Variants in LYRM4 observed in about 807,000 individuals in gnomAD.
The protein encoded by LYRM4 is LYR motif containing 4.
In LYRM4, 9 loss-of-function variants were observed where a neutral mutation model predicts 11.7. That is an observed-to-expected ratio of 0.77 (90% confidence interval 0.46 to 1.34). The LOEUF is 1.34. Among genes scored for constraint, LYRM4 ranks in the 40% most tolerant of loss-of-function variants. The probability of loss-of-function intolerance (pLI) is 0.00; values close to 1 mark genes in which losing one functional copy is unlikely to be tolerated. For missense variants in LYRM4, 133 were observed against 112.5 expected, an observed-to-expected ratio of 1.18 and a Z score of -0.82; for synonymous variants, 42 against 40.4, an observed-to-expected ratio of 1.04 and a Z score of -0.15.
downstream of LYRM4, chr6:5,102,857 C>T (rs1421350050): frequency 6.6e-6 from 1 of 152,250 alleles, no homozygotes; most frequent in African/African-American, 2.4e-5. Flanking sequence ...ACGACACTGA[C>T]TTCGCTTTTA....
At chr6:5,098,603 C>T in the LYRM4 span, among the ~76,000 whole-genome samples, 324 of 152,242 alleles carry the variant, frequency 2.1e-3, 1 homozygote, top group African/African-American at 7.3e-3. Flanking sequence ...AGAATATTGA[C>T]GGTGGCATTA....
At chr6:5,192,016 G>A (rs1760783164) in intron 2 of LYRM4, among the ~76,000 whole-genome samples, 1 of 152,132 alleles carries the variant, frequency 6.6e-6, no homozygotes, top group Non-Finnish European at 1.5e-5. Flanking sequence ...AAAAAATGCA[G>A]GAGAGCTAAT....
At chr6:5,085,441 G>A in the LYRM4 span, 1 of 1,419,454 alleles carries the variant, frequency 7.0e-7, no homozygotes, top group Non-Finnish European at 9.5e-7. Context: ...TAAGTCTCCA[G>A]AGGGGCCCGG....
chr6:5,085,868 G>A, the LYRM4 span: 2 of 1,530,968 alleles, frequency 1.3e-6, no homozygotes, highest in South Asian at 2.4e-5. Context: ...TGCGCCAAGT[G>A]CAAGAAGCGG....
the LYRM4 span, chr6:5,034,381 C>A: frequency 1.3e-5 from 2 of 152,172 alleles, no homozygotes; most frequent in African/African-American, 4.8e-5. Context: ...TTGTCCCATC[C>A]AAGTCTCATG....
At chr6:5,107,783 T>G (rs1258601147), downstream of LYRM4, 1 of 152,092 alleles carries the variant, frequency 6.6e-6, no homozygotes, top group East Asian at 1.9e-4. Context: ...ATACCAGCAC[T>G]TTGGGGGGCC....
intron 1 of LYRM4, among the ~76,000 whole-genome samples, chr6:5,251,278 T>C (rs920233827): frequency 1.3e-5 from 2 of 152,250 alleles, no homozygotes; most frequent in African/African-American, 4.8e-5. Context: ...TCACTGTAGC[T>C]GCCCTGTTTT....
intron 2 of LYRM4, among the ~76,000 whole-genome samples, chr6:5,177,097 T>G (rs1193003123): frequency 1.3e-5 from 2 of 152,278 alleles, no homozygotes; most frequent in Non-Finnish European, 1.5e-5. Context: ...TATGGAAAAG[T>G]GCGAATACAG....
chr6:5,085,358 T>C, the LYRM4 span: 1 of 672,266 alleles, frequency 1.5e-6, no homozygotes. Context: ...TTGTCGAGCC[T>C]GGGGCGACTC....
intron 2 of LYRM4, among the ~76,000 whole-genome samples, chr6:5,119,932 G>A (rs1026412874): frequency 2.6e-5 from 4 of 151,656 alleles, no homozygotes; most frequent in Admixed American, 6.6e-5. Context: ...AAAGAGTCTC[G>A]CTCTGTCATC....
chr6:5,245,754 C>T (rs1020536181), intron 1 of LYRM4, among the ~76,000 whole-genome samples: 2 of 152,178 alleles, frequency 1.3e-5, no homozygotes, highest in African/African-American at 4.8e-5. Flanking sequence ...ACTGTGGAAA[C>T]GTGTATGGGG....
intron 2 of LYRM4, among the ~76,000 whole-genome samples, chr6:5,177,795 C>T (rs1186082485): frequency 6.6e-6 from 1 of 152,148 alleles, no homozygotes; most frequent in African/African-American, 2.4e-5. Flanking sequence ...CATACTCTTA[C>T]AAACAGGTCA....
At chr6:5,061,309 G>A in the LYRM4 span, among the ~76,000 whole-genome samples, 9 of 151,984 alleles carry the variant, frequency 5.9e-5, no homozygotes, top group Non-Finnish European at 1.2e-4. Context: ...GTCACACCAC[G>A]TGCAGAGGCC....
At chr6:5,189,698 G>A (rs915808128) in intron 2 of LYRM4, among the ~76,000 whole-genome samples, 3 of 152,146 alleles carry the variant, frequency 2.0e-5, no homozygotes, top group East Asian at 1.9e-4. Context: ...ATTTGTCTAC[G>A]ATGCTAGCCA....
rs1323187890 is a variant in LYRM4, at chr6:5,108,719, CT to C, written c.*703del. 1.1e-6 allele frequency: 1 copy of C among 931,196 alleles called. No individual in the cohort carries two copies. Among genetic ancestry groups the C allele is most frequent in the Non-Finnish European group, 1.3e-6 (1 of 780,064 alleles). 57.7% of individuals were successfully genotyped at this position (931,196 alleles called of 1,614,324 possible). A position where few individuals can be genotyped will look rare whatever the true frequency, so the allele number is the denominator to read the frequency against. On this transcript the variant is annotated 3_prime_UTR_variant, in exon 3 of 3. Transcript: ENST00000330636. ...CCTGGGCTTGGGTCAGGCTGGGGCTCTCTCATTCACCAGGTGTGGGGAGGGG... is the reference window on the plus strand; with the variant it reads ...CCTGGGCTTGGGTCAGGCTGGGGCTCCTCATTCACCAGGTGTGGGGAGGGG...
rs899591051 is a variant in LYRM4 at position 5,255,416 on chromosome 6, AG to A, written c.86+5231del. On this transcript the variant is annotated intron_variant, in intron 1 of 2. Transcript: ENST00000330636. ...TGTCAAACTATCAATCTGCTGATTT[AG>A]GGGGAGGAAAAATGGTTATTCTTCA... Among the ~76,000 whole-genome samples, 8 of 152,300 alleles carry A rather than the reference AG, an allele frequency of 5.3e-5. No homozygotes were observed. In the South Asian group the frequency reaches 1.2e-3, roughly 24 times the overall value.
chr6:5,122,273 T>C (rs149149090), intron 2 of LYRM4, among the ~76,000 whole-genome samples: 1 of 152,188 alleles, frequency 6.6e-6, no homozygotes, highest in African/African-American at 2.4e-5. Context: ...CCCACACTAA[T>C]CTGATTCTAG....
intron 1 of LYRM4, among the ~76,000 whole-genome samples, chr6:5,246,278 A>G (rs1188221976): frequency 6.6e-6 from 1 of 152,234 alleles, no homozygotes; most frequent in Non-Finnish European, 1.5e-5. Context: ...AGAGGCAAGA[A>G]CAAGAGTGCC....
chr6:5,173,909 G>A (rs1759569638), intron 2 of LYRM4, among the ~76,000 whole-genome samples: 1 of 152,216 alleles, frequency 6.6e-6, no homozygotes, highest in Non-Finnish European at 1.5e-5. Flanking sequence ...ATTCCTGGCA[G>A]TATGGGTTGC....
Sources: allele counts gnomAD v4.1 joint callset (sites outside exome capture counted in the v4.1 genomes callset), GRCh38; gene constraint gnomAD v4.1.1; transcripts MANE v1.5; gene names NCBI Gene and HGNC (gene_info 2026-07-23, HGNC 2026-07-21).